Variants in RFX8 observed in about 807,000 individuals in gnomAD.
RFX8 encodes regulatory factor X8.
In RFX8, 46 loss-of-function variants were observed where a neutral mutation model predicts 54.6. The ratio of observed to expected loss-of-function variants is 0.84; its 90% CI spans 0.67 to 1.08. RFX8 has a LOEUF of 1.08. RFX8 is among the 50% of genes least tolerant of loss of function. The pLI is 0.00. For missense variants in RFX8, 536 were observed against 562.3 expected, an observed-to-expected ratio of 0.95 and a Z score of 0.47; for synonymous variants, 192 against 209.5, an observed-to-expected ratio of 0.92 and a Z score of 0.72.
intron 11 of RFX8, among the ~76,000 whole-genome samples, chr2:101,400,896 G>C (rs1685403213): frequency 6.6e-6 from 1 of 152,092 alleles, no homozygotes; most frequent in African/African-American, 2.4e-5. Flanking sequence ...CATCCTCCTA[G>C]GTATAGCCTA....
intron 4 of RFX8, among the ~76,000 whole-genome samples, chr2:101,419,268 A>C (rs1019613828): frequency 1.3e-5 from 2 of 152,220 alleles, no homozygotes; most frequent in Non-Finnish European, 2.9e-5. Context: ...TACTAGGATG[A>C]GGACTGGGCC....
chr2:101,429,714 T>A (rs1687378983), intron 2 of RFX8, among the ~76,000 whole-genome samples: 1 of 152,080 alleles, frequency 6.6e-6, no homozygotes, highest in Admixed American at 6.6e-5. Context: ...CTTTGATGGG[T>A]CCGTCCACTC....
At chr2:101,427,015 T>C (rs976517433) in intron 2 of RFX8, among the ~76,000 whole-genome samples, 2 of 152,166 alleles carry the variant, frequency 1.3e-5, no homozygotes, top group African/African-American at 4.8e-5. Context: ...CCTCGCCCAG[T>C]GTGCTGCTCC....
At chr2:101,414,172 G>A (rs2104557587) in intron 7 of RFX8, among the ~76,000 whole-genome samples, 1 of 152,346 alleles carries the variant, frequency 6.6e-6, no homozygotes, top group East Asian at 1.9e-4. Context: ...CGGGTGAAGG[G>A]TGTGTCTGTC....
intron 2 of RFX8, among the ~76,000 whole-genome samples, chr2:101,449,091 G>A (rs1406990856): frequency 6.6e-6 from 1 of 152,210 alleles, no homozygotes; most frequent in Non-Finnish European, 1.5e-5. Flanking sequence ...ACTATGGAAG[G>A]TTGGATGGTG....
At chr2:101,429,649 C>T (rs1288836041) in intron 2 of RFX8, among the ~76,000 whole-genome samples, 1 of 152,166 alleles carries the variant, frequency 6.6e-6, no homozygotes, top group African/African-American at 2.4e-5. Flanking sequence ...GGTGTCTCCT[C>T]CCACGTCCCC....
At chr2:101,408,270 G>A (rs1265486717) in intron 9 of RFX8, among the ~76,000 whole-genome samples, 5 of 152,140 alleles carry the variant, frequency 3.3e-5, no homozygotes, top group Non-Finnish European at 1.5e-5. Flanking sequence ...CGGATCACGA[G>A]GTCAGGAGAT....
intron 4 of RFX8, among the ~76,000 whole-genome samples, chr2:101,420,057 C>G (rs895060025): frequency 6.6e-6 from 1 of 152,218 alleles, no homozygotes; most frequent in Non-Finnish European, 1.5e-5. Context: ...CCCCAGAACC[C>G]ACCCTTGTCG....
intron 9 of RFX8, among the ~76,000 whole-genome samples, chr2:101,407,411 G>A (rs558749987): frequency 6.6e-6 from 1 of 152,232 alleles, no homozygotes; most frequent in East Asian, 1.9e-4. Flanking sequence ...CAGGGATCCT[G>A]CTGGGCACGG....
intron 2 of RFX8, among the ~76,000 whole-genome samples, chr2:101,448,748 C>T (rs1188846035): frequency 6.6e-6 from 1 of 152,164 alleles, no homozygotes; most frequent in Non-Finnish European, 1.5e-5. Context: ...CCAAAGGTGA[C>T]CATATAATTC....
At chr2:101,430,406 G>T (rs1291313807) in intron 2 of RFX8, among the ~76,000 whole-genome samples, 1 of 152,192 alleles carries the variant, frequency 6.6e-6, no homozygotes, top group African/African-American at 2.4e-5. Flanking sequence ...GATAATTAAG[G>T]TTAAATGAGA....
At chr2:101,471,377 C>A (rs1019717935) in intron 1 of RFX8, among the ~76,000 whole-genome samples, 1 of 151,992 alleles carries the variant, frequency 6.6e-6, no homozygotes, top group African/African-American at 2.4e-5. Context: ...ATGTCATGAG[C>A]CCCCCACACT....
chr2:101,420,436 C>T (rs1393267839), intron 4 of RFX8, among the ~76,000 whole-genome samples: 2 of 151,780 alleles, frequency 1.3e-5, no homozygotes, highest in Non-Finnish European at 2.9e-5. Context: ...CCCAGCTACT[C>T]GGTAGGCTGA....
intron 5 of RFX8, among the ~76,000 whole-genome samples, chr2:101,417,994 G>A (rs1209172210): frequency 1.3e-5 from 2 of 152,086 alleles, no homozygotes; most frequent in African/African-American, 2.4e-5. Flanking sequence ...GGGTTCAAGC[G>A]ATTCCCTACC....
At position 101,430,853 on chromosome 2, in the gene RFX8, AAGAC is replaced by A. The variant is rs1687443384; in HGVS notation, c.73-8385_73-8382del. Among the ~76,000 whole-genome samples, 2 of 152,242 alleles carry A rather than the reference AAGAC, an allele frequency of 1.3e-5. 1 individual carries two copies. Among genetic ancestry groups the A allele is most frequent in the Non-Finnish European group, 2.9e-5 (2 of 68,050 alleles). Reference sequence around the variant, plus strand: ...CTTAGAATAAAGACTAGAATGAAATAAGACAGAAGAAAATATCAGAAGTGAAATT... The same window carrying A: ...CTTAGAATAAAGACTAGAATGAAATAAGAAGAAAATATCAGAAGTGAAATT... On this transcript the variant is annotated intron_variant, in intron 2 of 11. Transcript: ENST00000428343.
rs1685478020 is a variant in RFX8 at position 101,402,297 on chromosome 2, G to A, written c.1245+139C>T. Reference sequence around the variant, plus strand: ...AGATAGTGAATTAAACTCACCCCTGGCAAAATCACCTAGGGTAAAGATGAC... The same window carrying A: ...AGATAGTGAATTAAACTCACCCCTGACAAAATCACCTAGGGTAAAGATGAC... On this transcript the variant is annotated intron_variant, in intron 11 of 11. Coordinates refer to ENST00000428343, the MANE Select transcript of RFX8 (RefSeq NM_001145664.2). 2.3e-5 allele frequency: 18 copies of A among 775,258 alleles called. No homozygotes were observed. In the South Asian group the frequency reaches 3.0e-4, roughly 13 times the overall value. The allele number at this position is 775,258 out of a possible 1,614,324, so 48.0% of individuals were successfully genotyped here.
intron 1 of RFX8, among the ~76,000 whole-genome samples, chr2:101,470,617 T>A (rs992873960): frequency 2.0e-5 from 3 of 152,090 alleles, no homozygotes; most frequent in African/African-American, 7.2e-5. Context: ...CCGTTCATGA[T>A]GTTCTCCTCG....
chr2:101,397,466 G>C lies in RFX8; in HGVS notation c.*82C>G, dbSNP rs115333912. ...TATTATATACATAACATCATCTTTCGTCAATAGAAAAACTTTAGTATTTAA... is the reference window on the plus strand; with the variant it reads ...TATTATATACATAACATCATCTTTCCTCAATAGAAAAACTTTAGTATTTAA... On this transcript the variant is annotated 3_prime_UTR_variant, in exon 12 of 12. Coordinates refer to ENST00000428343, the MANE Select transcript of RFX8 (RefSeq NM_001145664.2). 1 of 896,152 alleles carries C rather than the reference G, an allele frequency of 1.1e-6. No homozygotes were observed. The highest frequency in any genetic ancestry group is 1.7e-5 in the African/African-American group (1 of 59,186). 55.5% of individuals were successfully genotyped at this position (896,152 alleles called of 1,614,324 possible). A position where few individuals can be genotyped will look rare whatever the true frequency, so the allele number is the denominator to read the frequency against.
At chr2:101,439,525 C>A (rs1164132911) in intron 2 of RFX8, among the ~76,000 whole-genome samples, 2 of 150,802 alleles carry the variant, frequency 1.3e-5, no homozygotes, top group African/African-American at 4.9e-5. Context: ...AGTCTACGAT[C>A]CATTTTGAGT....
Sources: allele counts gnomAD v4.1 joint callset (sites outside exome capture counted in the v4.1 genomes callset), GRCh38; gene constraint gnomAD v4.1.1; transcripts MANE v1.5; gene names NCBI Gene and HGNC (gene_info 2026-07-23, HGNC 2026-07-21).